The following CYREN variants were observed in gnomAD, a reference collection of about 807,000 sequenced individuals.
CYREN encodes the protein cell cycle regulator of NHEJ.
A neutral mutation model predicts 9.7 loss-of-function variants in CYREN; 7 were observed. That is an observed-to-expected ratio of 0.72 (90% CI 0.41 to 1.36). The LOEUF (loss-of-function observed/expected upper bound fraction) is 1.36, where lower values mean the gene tolerates loss of function less well. Among genes scored for constraint, CYREN ranks in the 40% most tolerant of loss-of-function variants. The probability of loss-of-function intolerance (pLI) is 0.01; values close to 1 mark genes in which losing one functional copy is unlikely to be tolerated. For synonymous variants in CYREN, 76 were observed against 77.9 expected (o/e 0.98, Z 0.13); for missense variants, 215 against 198.1 (o/e 1.09, Z -0.51).
chr7:135,119,732 C>A (rs1037647893), intron 2 of CYREN, among the ~76,000 whole-genome samples: 10 of 151,978 alleles, frequency 6.6e-5, no homozygotes, highest in African/African-American at 2.4e-4. Context: ...AAAAAATTAG[C>A]TGGGCGTGGC....
chr7:135,164,681 G>C, downstream of CYREN: 1 of 1,614,052 alleles, frequency 6.2e-7, no homozygotes, highest in Non-Finnish European at 8.5e-7. Flanking sequence ...GGGTTGGCCT[G>C]GGCCTGGCCA....
chr7:135,163,747 G>T (rs1472291371), downstream of CYREN, among the ~76,000 whole-genome samples: 2 of 152,210 alleles, frequency 1.3e-5, no homozygotes, highest in African/African-American at 4.8e-5. Flanking sequence ...GTATATGATG[G>T]GATTTCATCA....
intron 2 of CYREN, chr7:135,135,112 G>A (rs1829283111): frequency 6.4e-7 from 1 of 1,551,178 alleles, no homozygotes; most frequent in Non-Finnish European, 8.7e-7. Flanking sequence ...GGATGCAAAT[G>A]TTCTAAAATA....
At chr7:135,123,763 T>C (rs1827473253) in intron 2 of CYREN, among the ~76,000 whole-genome samples, 1 of 152,156 alleles carries the variant, frequency 6.6e-6, no homozygotes, top group Non-Finnish European at 1.5e-5. Flanking sequence ...AAAAAAAATT[T>C]CAACCCAGAA....
chr7:135,127,037 G>A (rs1827970578), intron 2 of CYREN, among the ~76,000 whole-genome samples: 3 of 152,158 alleles, frequency 2.0e-5, no homozygotes, highest in Non-Finnish European at 4.4e-5. Flanking sequence ...TTATACTAAA[G>A]AGCTTCTGCA....
At chr7:135,116,065 T>C (rs1826271883) in intron 2 of CYREN, among the ~76,000 whole-genome samples, 1 of 152,142 alleles carries the variant, frequency 6.6e-6, no homozygotes, top group African/African-American at 2.4e-5. Context: ...AAAGGAAACA[T>C]GTGTAAATAA....
Position 135,166,375 on chromosome 7 carries a change from G to C in CYREN, c.*236C>G, listed in dbSNP as rs1162423539. ...CAGGAGAGGGCACAGTACATACAGAGGGAGTCAAATGGGATCTCATTTTGA... is the reference window on the plus strand; with the variant it reads ...CAGGAGAGGGCACAGTACATACAGACGGAGTCAAATGGGATCTCATTTTGA... On this transcript the variant is annotated 3_prime_UTR_variant, in exon 4 of 4. Coordinates refer to ENST00000393114, the MANE Select transcript of CYREN (RefSeq NM_024033.4). The C allele has an allele frequency of 1.1e-5, 6 of 525,262 alleles. No homozygotes were observed. The allele number at this position is 525,262 out of a possible 1,614,324, so 32.5% of individuals were successfully genotyped here.
intron 2 of CYREN, among the ~76,000 whole-genome samples, chr7:135,124,417 A>G (rs1827572369): frequency 6.6e-6 from 1 of 152,230 alleles, no homozygotes; most frequent in South Asian, 2.1e-4. Context: ...AGAGACCCAA[A>G]AAGAGACAGA....
intron 2 of CYREN, among the ~76,000 whole-genome samples, chr7:135,143,858 T>A (rs1829496187): frequency 6.6e-6 from 1 of 152,178 alleles, no homozygotes; most frequent in African/African-American, 2.4e-5. Context: ...ACTAAATTCC[T>A]GTAAGAAAAG....
chr7:135,138,274 G>C (rs959800798), intron 2 of CYREN, among the ~76,000 whole-genome samples: 1 of 151,592 alleles, frequency 6.6e-6, no homozygotes, highest in Non-Finnish European at 1.5e-5. Flanking sequence ...ATAAATGAAG[G>C]TAAAATAAAA....
In CYREN at chr7:135,165,807, T is replaced by C. The variant is rs1830092792; in HGVS notation, c.*804A>G. ...ACGCATTGGGGAATTGTGTGTATTT[T>C]CTAGCACTTGTGTATTGGAAAACCT... On this transcript the variant is annotated 3_prime_UTR_variant, in exon 4 of 4. Transcript: ENST00000393114. 1 of 167,148 alleles carries C rather than the reference T, an allele frequency of 6.0e-6. No individual in the cohort carries two copies. Among genetic ancestry groups the C allele is most frequent in the Non-Finnish European group, 1.5e-5 (1 of 68,140 alleles). 10.4% of individuals were successfully genotyped at this position (167,148 alleles called of 1,614,324 possible). A position where few individuals can be genotyped will look rare whatever the true frequency, so the allele number is the denominator to read the frequency against.
intron 2 of CYREN, among the ~76,000 whole-genome samples, chr7:135,136,311 A>G (rs898750601): frequency 1.3e-5 from 2 of 152,174 alleles, no homozygotes; most frequent in East Asian, 1.9e-4. Context: ...TCTAGTAGCT[A>G]AAGAGTTTCC....
intron 2 of CYREN, among the ~76,000 whole-genome samples, chr7:135,110,502 C>A (rs1470836877): frequency 1.3e-5 from 2 of 152,094 alleles, no homozygotes; most frequent in Non-Finnish European, 2.9e-5. Flanking sequence ...CATGAGAAGA[C>A]CTCCTGACCT....
At chr7:135,153,545 G>T (rs992479157) in intron 2 of CYREN, among the ~76,000 whole-genome samples, 2 of 151,820 alleles carry the variant, frequency 1.3e-5, no homozygotes, top group African/African-American at 4.8e-5. Context: ...ATACATTGTT[G>T]GTGGGAATGT....
At chr7:135,135,900 A>G (rs1829327627) in intron 2 of CYREN, 1 of 152,170 alleles carries the variant, frequency 6.6e-6, no homozygotes, top group African/African-American at 2.4e-5. Flanking sequence ...GTGGTTTAAA[A>G]TAATCATTTT....
intron 2 of CYREN, among the ~76,000 whole-genome samples, chr7:135,142,652 A>C (rs1341519095): frequency 6.6e-6 from 1 of 152,196 alleles, no homozygotes; most frequent in African/African-American, 2.4e-5. Flanking sequence ...GTTAATATAC[A>C]AAAGTCAATT....
At chr7:135,094,288 C>T in exon 3 of CYREN, 1 of 430,410 alleles carries the variant, frequency 2.3e-6, no homozygotes, top group Non-Finnish European at 4.7e-6. Context: ...CTTATTGGAT[C>T]CATCAGAGAA....
At chr7:135,093,845 T>TGTTTAAG (rs1175748059) in exon 3 of CYREN, 3 of 152,248 alleles carry the variant, frequency 2.0e-5, no homozygotes, top group African/African-American at 4.8e-5. Flanking sequence ...ATTTCAAAAC[T>TGTTTAAG]GACTACCAAG....
At chr7:135,138,165 CT>C (rs757396995) in intron 2 of CYREN, among the ~76,000 whole-genome samples, 4 of 151,412 alleles carry the variant, frequency 2.6e-5, no homozygotes, top group Admixed American at 2.0e-4. Context: ...TAGAGCTGCT[CT>C]TTTTTTTAAT....
Sources: allele counts gnomAD v4.1 joint callset (sites outside exome capture counted in the v4.1 genomes callset), GRCh38; gene constraint gnomAD v4.1.1; transcripts MANE v1.5; gene names NCBI Gene and HGNC (gene_info 2026-07-23, HGNC 2026-07-21).